SCMH1: variants seen among roughly 807,000 people sequenced by gnomAD.
SCMH1 encodes the protein polycomb protein SCMH1.
In SCMH1, 37 loss-of-function variants were observed where a neutral mutation model predicts 70.8. The observed-to-expected ratio is 0.52, with a 90% CI of 0.40 to 0.69. The LOEUF (loss-of-function observed/expected upper bound fraction) is 0.69. SCMH1 is among the 30% of genes least tolerant of loss of function. SCMH1 has a pLI of 0.00. For synonymous variants in SCMH1, 292 were observed against 307.4 expected, an observed-to-expected ratio of 0.95 and a Z score of 0.52; for missense variants, 607 against 827.3, an observed-to-expected ratio of 0.73 and a Z score of 3.27.
intron 2 of SCMH1, among the ~76,000 whole-genome samples, chr1:41,179,397 A>AG (rs1648008334): frequency 6.6e-6 from 1 of 152,218 alleles, no homozygotes; most frequent in Admixed American, 6.5e-5. Context: ...AGAGACACAA[A>AG]AAACCCTTCC....
intron 13 of SCMH1, among the ~76,000 whole-genome samples, chr1:41,030,808 C>T (rs1571129914): frequency 6.6e-6 from 1 of 152,228 alleles, no homozygotes; most frequent in African/African-American, 2.4e-5. Flanking sequence ...AGTGCCTGGT[C>T]TGCCACAGTA....
chr1:41,048,968 T>C (rs1030372001), intron 10 of SCMH1, 78 bp from the exon 11 acceptor site: 7 of 1,317,056 alleles, frequency 5.3e-6, no homozygotes, highest in Non-Finnish European at 7.4e-6. Flanking sequence ...CTATTCCATC[T>C]TTTATACCTT....
intron 8 of SCMH1, among the ~76,000 whole-genome samples, chr1:41,087,482 AC>A (rs1183034335): frequency 6.6e-6 from 1 of 151,992 alleles, no homozygotes; most frequent in African/African-American, 2.4e-5. Flanking sequence ...CTATAATCAC[AC>A]GGGTAAATGA....
At chr1:41,201,320 G>A (rs762348065) in intron 1 of SCMH1, among the ~76,000 whole-genome samples, 2 of 152,164 alleles carry the variant, frequency 1.3e-5, no homozygotes, top group Non-Finnish European at 2.9e-5. Flanking sequence ...AAACTGAGAT[G>A]AAAGATCTAG....
At chr1:41,242,237 GGGCT>G (rs1445033454), upstream of SCMH1, 2 of 144,754 alleles carry the variant, frequency 1.4e-5, no homozygotes, top group Non-Finnish European at 3.1e-5. The surrounding 1 kb of genome is among the most constrained non-coding windows in gnomAD (Gnocchi z 5.2). Flanking sequence ...GGCGGGGCGG[GGGCT>G]CCCCCGGCCC....
chr1:41,040,471 T>C (rs1176872419), intron 12 of SCMH1, among the ~76,000 whole-genome samples: 1 of 152,014 alleles, frequency 6.6e-6, no homozygotes, highest in African/African-American at 2.4e-5. Context: ...CTAAGGGCAG[T>C]CATGGGAAAA....
intron 8 of SCMH1, 108 bp from the exon 9 acceptor site, chr1:41,075,559 A>AAACC: frequency 1.1e-6 from 1 of 871,726 alleles, no homozygotes; most frequent in Non-Finnish European, 1.8e-6. Flanking sequence ...TTGTTCCAAG[A>AAACC]AGCTGGTTTC....
At chr1:41,144,412 C>T (rs895240850) in intron 5 of SCMH1, among the ~76,000 whole-genome samples, 3 of 152,148 alleles carry the variant, frequency 2.0e-5, no homozygotes, top group South Asian at 2.1e-4. Context: ...TCAAGGTTCA[C>T]CCATGTCAAT....
At position 41,058,449 on chromosome 1, in the gene SCMH1, C is replaced by T. The variant is rs182323540; in HGVS notation, c.1106-9559G>A. 2.4e-3 allele frequency among the ~76,000 whole-genome samples: 323 copies of T among 132,562 alleles called. 4 individuals are homozygous for T. The highest frequency in any genetic ancestry group is 8.7e-3 in the African/African-American group (305 of 34,926). 87.0% of individuals were successfully genotyped at this position (132,562 alleles called of 152,430 possible). ...AGGCTGGAGTGCAGTGGCACAATTTCGGCTCACTGCAACCTCCGCCTCCTG... is the reference window on the plus strand; with the variant it reads ...AGGCTGGAGTGCAGTGGCACAATTTTGGCTCACTGCAACCTCCGCCTCCTG... On this transcript the variant is annotated intron_variant, in intron 10 of 14. Coordinates refer to ENST00000337495, the Ensembl canonical transcript of SCMH1.
At chr1:41,049,990 A>T (rs1386858058) in intron 10 of SCMH1, among the ~76,000 whole-genome samples, 1 of 151,982 alleles carries the variant, frequency 6.6e-6, no homozygotes, top group East Asian at 1.9e-4. Context: ...CAGGAGTTCA[A>T]GGCTGCAGTG....
intron 12 of SCMH1, among the ~76,000 whole-genome samples, chr1:41,039,919 A>G (rs1195816591): frequency 6.6e-6 from 1 of 151,130 alleles, no homozygotes; most frequent in Non-Finnish European, 1.5e-5. Flanking sequence ...GTGTATACAA[A>G]TTTTATATAT....
intron 8 of SCMH1, among the ~76,000 whole-genome samples, chr1:41,105,070 T>C (rs1460386160): frequency 6.6e-6 from 1 of 151,944 alleles, no homozygotes; most frequent in African/African-American, 2.4e-5. Context: ...ATTCTCCTGC[T>C]TCAATATCCG....
intron 10 of SCMH1, among the ~76,000 whole-genome samples, chr1:41,052,644 AAAAG>A (rs1325581819): frequency 2.6e-5 from 4 of 152,228 alleles, no homozygotes; most frequent in Admixed American, 2.6e-4. Flanking sequence ...TTGGCAGTAA[AAAAG>A]AAGGAACTCC....
chr1:41,094,899 A>T (rs11580620), intron 8 of SCMH1, among the ~76,000 whole-genome samples: 11,844 of 152,046 alleles, frequency 0.078, 596 homozygotes, highest in South Asian at 0.13. Context: ...AAAAAAAAAA[A>T]AAAAATTCTT....
At chr1:41,081,159 T>C (rs949833002) in intron 8 of SCMH1, among the ~76,000 whole-genome samples, 1 of 152,162 alleles carries the variant, frequency 6.6e-6, no homozygotes, top group Non-Finnish European at 1.5e-5. Flanking sequence ...TAACATCAAG[T>C]ATTCAGTGAA....
chr1:41,029,138 A>G (rs1321122237), intron 13 of SCMH1, among the ~76,000 whole-genome samples: 1 of 152,136 alleles, frequency 6.6e-6, no homozygotes, highest in Non-Finnish European at 1.5e-5. Context: ...GTGGGCAAAA[A>G]ATACCCTGGA....
chr1:41,109,455 A>C (rs1325790467), intron 8 of SCMH1, among the ~76,000 whole-genome samples: 1 of 152,230 alleles, frequency 6.6e-6, no homozygotes, highest in African/African-American at 2.4e-5. Context: ...AAATGAATTG[A>C]GTAACCACAT....
At chr1:41,070,869 G>C in intron 9 of SCMH1, 148 bp from the exon 10 acceptor site, 1 of 953,530 alleles carries the variant, frequency 1.0e-6, no homozygotes, top group South Asian at 1.7e-5. Context: ...CTGGCTTAAA[G>C]CTATACATAT....
intron 8 of SCMH1, among the ~76,000 whole-genome samples, chr1:41,086,376 T>C (rs946651227): frequency 6.6e-6 from 1 of 152,020 alleles, no homozygotes; most frequent in Non-Finnish European, 1.5e-5. Flanking sequence ...ACAGGAAATA[T>C]GAAAAATCCA....
Sources: allele counts gnomAD v4.1 joint callset (sites outside exome capture counted in the v4.1 genomes callset), GRCh38; gene constraint gnomAD v4.1.1; non-coding constraint Gnocchi (gnomAD v3.1); transcripts MANE v1.5; gene names NCBI Gene and HGNC (gene_info 2026-07-23, HGNC 2026-07-21).